Variants in RCAN1 observed in about 807,000 individuals in gnomAD.
RCAN1 encodes regulator of calcineurin 1, also known as calcipressin-1.
RCAN1 carries 11 observed loss-of-function variants against 22.9 expected under a neutral mutation model. The ratio of observed to expected loss-of-function variants is 0.48; its 90% confidence interval spans 0.30 to 0.79. The LOEUF is 0.79. RCAN1 is among the 30% of genes least tolerant of loss of function. The pLI is 0.06. For synonymous variants in RCAN1, 136 were observed against 142.3 expected (o/e 0.96, Z 0.32); for missense variants, 291 against 337.8 (o/e 0.86, Z 1.09).
rs527744254 is a variant in RCAN1, at chr21:34,599,489, T to C, written c.252+15271A>G. Among the ~76,000 whole-genome samples, 49 of 152,178 alleles carry C rather than the reference T, an allele frequency of 3.2e-4. 2 individuals carry two copies. The South Asian group carries it at 9.3e-3, about 29-fold the overall frequency. On this transcript the variant is annotated intron_variant, in intron 1 of 3. Coordinates refer to ENST00000313806, the MANE Select transcript of RCAN1 (RefSeq NM_004414.7). ...ACTGTTTCAGAAAAAAGAAATACAT[T>C]GAGTCTACTGACAAGATATCCACAA...
In RCAN1 at chr21:34,525,264, C is replaced by T. The variant is rs781026679; in HGVS notation, c.253-1554G>A. Reference sequence around the variant, plus strand: ...GGTAGTCGGTCCCTGCCAGGCAGGTCGTTAAGGAGCAGTCGGAACAACCTA... The same window carrying T: ...GGTAGTCGGTCCCTGCCAGGCAGGTTGTTAAGGAGCAGTCGGAACAACCTA... On this transcript the variant is annotated intron_variant, in intron 1 of 3. Transcript: ENST00000313806. 7 of 1,550,596 alleles carry T rather than the reference C, an allele frequency of 4.5e-6. No individual in the cohort carries two copies. In the South Asian group the frequency reaches 5.9e-5, roughly 13 times the overall value.
At chr21:34,579,115 C>A (rs1341229518) in intron 1 of RCAN1, among the ~76,000 whole-genome samples, 1 of 152,148 alleles carries the variant, frequency 6.6e-6, no homozygotes, top group Non-Finnish European at 1.5e-5. Context: ...GATGTTATGG[C>A]CGGGCGCGGT....
At chr21:34,577,516 T>G (rs916688476) in intron 1 of RCAN1, among the ~76,000 whole-genome samples, 3 of 152,130 alleles carry the variant, frequency 2.0e-5, no homozygotes, top group African/African-American at 7.2e-5. Context: ...GGAGGATCAC[T>G]TGAGTCCAGG....
At chr21:34,545,874 A>G (rs1188668416) in intron 1 of RCAN1, among the ~76,000 whole-genome samples, 1 of 152,224 alleles carries the variant, frequency 6.6e-6, no homozygotes, top group African/African-American at 2.4e-5. Context: ...CATTCGAAGA[A>G]TAGCCCCAGC....
intron 1 of RCAN1, among the ~76,000 whole-genome samples, chr21:34,530,751 A>G (rs1033634311): frequency 1.3e-5 from 2 of 150,088 alleles, no homozygotes; most frequent in African/African-American, 2.4e-5. Flanking sequence ...CAGCCTCCCA[A>G]GTAGTTGGGA....
intron 1 of RCAN1, among the ~76,000 whole-genome samples, chr21:34,544,084 A>G (rs927881237): frequency 1.3e-5 from 2 of 152,284 alleles, no homozygotes; most frequent in South Asian, 2.1e-4. Flanking sequence ...TGTGGCTGCC[A>G]CAGCAGCAGT....
At chr21:34,596,108 C>T (rs1390197400) in intron 1 of RCAN1, among the ~76,000 whole-genome samples, 4 of 152,172 alleles carry the variant, frequency 2.6e-5, no homozygotes, top group Non-Finnish European at 4.4e-5. Context: ...TCCCCATCCC[C>T]GGAGCCCTGT....
chr21:34,525,676 T>C (rs1984995690), intron 1 of RCAN1: 1 of 252,482 alleles, frequency 4.0e-6, no homozygotes, highest in Admixed American at 5.4e-5. Flanking sequence ...GCCTTTCTCT[T>C]ATAAAAGAAT....
At chr21:34,568,362 A>T (rs190404337) in intron 1 of RCAN1, among the ~76,000 whole-genome samples, 3 of 152,358 alleles carry the variant, frequency 2.0e-5, no homozygotes, top group Non-Finnish European at 4.4e-5. Flanking sequence ...ATATAATTAG[A>T]TGAGCTGGCA....
At chr21:34,548,026 GC>G (rs1986216428) in intron 1 of RCAN1, among the ~76,000 whole-genome samples, 1 of 152,098 alleles carries the variant, frequency 6.6e-6, no homozygotes, top group South Asian at 2.1e-4. Context: ...CAGGAGGAGA[GC>G]CCTCACCAGG....
At chr21:34,558,867 A>T (rs61645536) in intron 1 of RCAN1, among the ~76,000 whole-genome samples, 36,775 of 152,126 alleles carry the variant, frequency 0.24, 5,192 homozygotes, top group African/African-American at 0.39. Context: ...AATGGAATTC[A>T]GGGAATCCAA....
chr21:34,599,262 GGTTGA>G (rs1988258829), intron 1 of RCAN1, among the ~76,000 whole-genome samples: 1 of 152,160 alleles, frequency 6.6e-6, no homozygotes, highest in African/African-American at 2.4e-5. Flanking sequence ...AGGAATAGCT[GGTTGA>G]GTTGTGTTAT....
intron 1 of RCAN1, among the ~76,000 whole-genome samples, chr21:34,583,153 T>C (rs1262233203): frequency 6.6e-6 from 1 of 151,286 alleles, no homozygotes; most frequent in East Asian, 2.0e-4. Flanking sequence ...ACCGTAGAAC[T>C]GGACTACACA....
At chr21:34,589,631 T>C (rs754769163) in intron 1 of RCAN1, among the ~76,000 whole-genome samples, 2 of 152,150 alleles carry the variant, frequency 1.3e-5, no homozygotes, top group Non-Finnish European at 2.9e-5. Flanking sequence ...CTCTACAAGG[T>C]AGACTGCCCT....
intron 1 of RCAN1, among the ~76,000 whole-genome samples, chr21:34,562,988 G>A (rs192108700): frequency 1.3e-4 from 20 of 152,194 alleles, no homozygotes; most frequent in Admixed American, 1.0e-3. Flanking sequence ...ACCTTTGTTT[G>A]ACACACAGAA....
At chr21:34,581,951 A>G (rs1383199285) in intron 1 of RCAN1, among the ~76,000 whole-genome samples, 3 of 152,172 alleles carry the variant, frequency 2.0e-5, no homozygotes, top group Non-Finnish European at 2.9e-5. Flanking sequence ...AACAGGGCCG[A>G]TCTCTTTCAA....
chr21:34,568,466 C>T (rs1412297951), intron 1 of RCAN1, among the ~76,000 whole-genome samples: 1 of 152,196 alleles, frequency 6.6e-6, no homozygotes, highest in African/African-American at 2.4e-5. Context: ...AACTTTGAGT[C>T]TAGAAAGTGT....
At chr21:34,557,761 T>G (rs534472536) in intron 1 of RCAN1, among the ~76,000 whole-genome samples, 4 of 152,198 alleles carry the variant, frequency 2.6e-5, no homozygotes, top group African/African-American at 4.8e-5. Flanking sequence ...CAGCCACTAG[T>G]GATGAAGATG....
intron 1 of RCAN1, among the ~76,000 whole-genome samples, chr21:34,557,532 C>T (rs927058606): frequency 1.3e-5 from 2 of 152,178 alleles, no homozygotes; most frequent in African/African-American, 4.8e-5. Flanking sequence ...CCAGCAGGCA[C>T]CTTTAACTAT....
Sources: gnomAD v4.1 joint callset for allele counts (sites outside exome capture counted in the v4.1 genomes callset) on GRCh38, gnomAD v4.1.1 for gene constraint, MANE v1.5 for transcripts, NCBI Gene and HGNC (gene_info 2026-07-23, HGNC 2026-07-21) for gene names.